Variants in SNTG1 observed in about 807,000 individuals in gnomAD.
SNTG1 encodes syntrophin gamma 1, also known as gamma-1-syntrophin.
Under a neutral mutation model 74.7 loss-of-function variants are expected in SNTG1, and 39 were observed. The ratio of observed to expected loss-of-function variants is 0.52; its 90% CI spans 0.40 to 0.68. SNTG1 has a LOEUF of 0.68. Among genes scored for constraint, SNTG1 ranks in the 30% least tolerant of loss-of-function variants. SNTG1 has a pLI of 0.00. For missense variants in SNTG1, 685 were observed against 609.5 expected, an observed-to-expected ratio of 1.12 and a Z score of -1.30; for synonymous variants, 254 against 217.1, an observed-to-expected ratio of 1.17 and a Z score of -1.49.
chr8:50,748,983 C>T (rs1039138490), intron 17 of SNTG1, among the ~76,000 whole-genome samples: 3 of 152,000 alleles, frequency 2.0e-5, no homozygotes, highest in Non-Finnish European at 4.4e-5. Context: ...ATGCCTCTCA[C>T]TTTAAATCAA....
intron 4 of SNTG1, among the ~76,000 whole-genome samples, chr8:50,416,275 T>C (rs2093012403): frequency 6.6e-6 from 1 of 152,154 alleles, no homozygotes; most frequent in Non-Finnish European, 1.5e-5. Context: ...ATGGAGGTTA[T>C]AAGCATAGTC....
At chr8:50,314,321 GGACATGCT>G (rs752641717) in intron 2 of SNTG1, among the ~76,000 whole-genome samples, 8 of 148,784 alleles carry the variant, frequency 5.4e-5, no homozygotes, top group Admixed American at 2.0e-4. Flanking sequence ...AACTTGATTG[GGACATGCT>G]TCAGTGTAGC....
intron 15 of SNTG1, among the ~76,000 whole-genome samples, chr8:50,684,960 T>A (rs556683945): frequency 1.4e-5 from 2 of 143,536 alleles, no homozygotes; most frequent in African/African-American, 5.2e-5. Flanking sequence ...ATTGTTCAAT[T>A]TTCCATATGT....
chr8:50,741,145 G>A (rs1004869177), intron 17 of SNTG1, among the ~76,000 whole-genome samples: 1 of 151,776 alleles, frequency 6.6e-6, no homozygotes, highest in South Asian at 2.1e-4. Context: ...TTTTTTCTGA[G>A]GCAGAGTCTT....
At chr8:49,925,090 C>A (rs1243278921) in intron 1 of SNTG1, among the ~76,000 whole-genome samples, 2 of 151,960 alleles carry the variant, frequency 1.3e-5, no homozygotes, top group African/African-American at 4.8e-5. Context: ...GAGTTCAAGG[C>A]TGCAGTGAGC....
intron 12 of SNTG1, among the ~76,000 whole-genome samples, chr8:50,575,175 G>A (rs965774254): frequency 6.6e-6 from 1 of 152,122 alleles, no homozygotes; most frequent in Non-Finnish European, 1.5e-5. Context: ...TTTTTAAGAA[G>A]AGTTTATTAT....
At chr8:50,205,327 T>C (rs1266366919) in intron 2 of SNTG1, among the ~76,000 whole-genome samples, 1 of 152,238 alleles carries the variant, frequency 6.6e-6, no homozygotes, top group Non-Finnish European at 1.5e-5. Context: ...CCAATGATGA[T>C]GAACATTTTT....
intron 1 of SNTG1, among the ~76,000 whole-genome samples, chr8:49,942,163 A>G (rs753431057): frequency 2.0e-5 from 3 of 152,188 alleles, no homozygotes; most frequent in Non-Finnish European, 4.4e-5. Context: ...ACAAAATCTG[A>G]TAAGAAGTTT....
chr8:50,570,276 A>G lies in SNTG1; in HGVS notation c.810+17097A>G, dbSNP rs146444343. Among the ~76,000 whole-genome samples, 298 of 40,098 alleles carry G rather than the reference A, an allele frequency of 7.4e-3. 6 individuals are homozygous for G. The highest frequency in any genetic ancestry group is 0.013 in the Middle Eastern group (1 of 80). 26.3% of individuals were successfully genotyped at this position (40,098 alleles called of 152,430 possible). On this transcript the variant is annotated intron_variant, in intron 12 of 18. Coordinates refer to ENST00000642720, the MANE Select transcript of SNTG1 (RefSeq NM_018967.5). ...ATTTTATTTTATTTTATTTTATTTT[A>G]TAGATGGAGTCTCGCTCTGTCACCC...
intron 2 of SNTG1, among the ~76,000 whole-genome samples, chr8:50,298,797 A>C (rs958958328): frequency 1.3e-5 from 2 of 152,160 alleles, no homozygotes; most frequent in African/African-American, 4.8e-5. Flanking sequence ...TGCTGTATAC[A>C]CTTCTGTGTT....
intron 1 of SNTG1, among the ~76,000 whole-genome samples, chr8:50,113,289 G>A (rs1246107105): frequency 6.6e-6 from 1 of 152,120 alleles, no homozygotes; most frequent in Admixed American, 6.6e-5. Flanking sequence ...GCAGTGGTCT[G>A]TAGTTCTCCT....
chr8:50,462,167 T>C (rs2093569185), intron 8 of SNTG1, among the ~76,000 whole-genome samples: 1 of 136,322 alleles, frequency 7.3e-6, no homozygotes, highest in African/African-American at 2.5e-5. Context: ...AATAAAAAGA[T>C]AAAAAAGAGA....
intron 12 of SNTG1, among the ~76,000 whole-genome samples, chr8:50,559,549 A>G (rs1276714059): frequency 6.6e-6 from 1 of 152,186 alleles, no homozygotes; most frequent in Non-Finnish European, 1.5e-5. Flanking sequence ...TTTTTACAAG[A>G]GGAATTCTAA....
chr8:50,113,051 G>A (rs1008155016), intron 1 of SNTG1, among the ~76,000 whole-genome samples: 53 of 152,042 alleles, frequency 3.5e-4, no homozygotes, highest in African/African-American at 1.3e-3. Flanking sequence ...TGTTCTTTTG[G>A]CTTAGGATTG....
At chr8:49,977,299 AACAG>A (rs1411252718) in intron 1 of SNTG1, among the ~76,000 whole-genome samples, 1 of 152,162 alleles carries the variant, frequency 6.6e-6, no homozygotes, top group Admixed American at 6.5e-5. Context: ...TTAAAAAAAC[AACAG>A]ACAAAGCAAT....
At chr8:50,070,892 G>A (rs1161994023) in intron 1 of SNTG1, among the ~76,000 whole-genome samples, 2 of 152,212 alleles carry the variant, frequency 1.3e-5, no homozygotes, top group African/African-American at 4.8e-5. Flanking sequence ...GTTGGGGACG[G>A]CTGGAGGCTG....
intron 13 of SNTG1, among the ~76,000 whole-genome samples, chr8:50,618,383 A>C (rs1005955133): frequency 2.0e-5 from 3 of 152,178 alleles, no homozygotes; most frequent in Non-Finnish European, 4.4e-5. Flanking sequence ...TTTGGTATCT[A>C]CATACTATTC....
intron 1 of SNTG1, among the ~76,000 whole-genome samples, chr8:50,003,461 T>G (rs1814931972): frequency 6.6e-6 from 1 of 152,172 alleles, no homozygotes; most frequent in Non-Finnish European, 1.5e-5. Flanking sequence ...CACTTTTAAT[T>G]AAATTCTTGA....
intron 1 of SNTG1, among the ~76,000 whole-genome samples, chr8:50,065,343 C>A (rs1313967043): frequency 3.9e-5 from 6 of 152,000 alleles, no homozygotes; most frequent in Non-Finnish European, 8.8e-5. Flanking sequence ...AGAATAAAAA[C>A]AATTTTAATT....
Sources: gnomAD v4.1 joint callset for allele counts (sites outside exome capture counted in the v4.1 genomes callset) on GRCh38, gnomAD v4.1.1 for gene constraint, MANE v1.5 for transcripts, NCBI Gene and HGNC (gene_info 2026-07-23, HGNC 2026-07-21) for gene names.